Variants in ZNF517 observed in about 807,000 individuals in gnomAD.
The protein encoded by ZNF517 is zinc finger protein 517.
In ZNF517, 12 loss-of-function variants were observed where a neutral mutation model predicts 12.1. That is an observed-to-expected ratio of 0.99 (90% CI 0.63 to 1.61). The LOEUF is 1.61. Ranked by LOEUF, ZNF517 falls within the 40% of genes most tolerant of loss-of-function variation. ZNF517 has a pLI of 0.00. For missense variants in ZNF517, 781 were observed against 693.2 expected (o/e 1.13, Z -1.42); for synonymous variants, 388 against 310.2 (o/e 1.25, Z -2.63).
At chr8:144,804,608 C>T (rs909083640) in intron 4 of ZNF517, among the ~76,000 whole-genome samples, 1 of 152,048 alleles carries the variant, frequency 6.6e-6, no homozygotes, top group Non-Finnish European at 1.5e-5. Context: ...GAAGAAAAGA[C>T]AGCTGGGCCT....
At chr8:144,802,344 C>T (rs1359621868) in intron 1 of ZNF517, among the ~76,000 whole-genome samples, 1 of 152,252 alleles carries the variant, frequency 6.6e-6, no homozygotes, top group Admixed American at 6.5e-5. Context: ...ACCACCAACT[C>T]CAGCCTGGGC....
chr8:144,805,101 A>G (rs1827153040), intron 4 of ZNF517, among the ~76,000 whole-genome samples: 1 of 152,252 alleles, frequency 6.6e-6, no homozygotes, highest in Non-Finnish European at 1.5e-5. Flanking sequence ...TCTGCTATGT[A>G]ACTAGTGCCT....
At chr8:144,812,425 C>T (rs1052288424), downstream of ZNF517, among the ~76,000 whole-genome samples, 1 of 149,032 alleles carries the variant, frequency 6.7e-6, no homozygotes, top group Non-Finnish European at 1.5e-5. Context: ...AAGGCTGAGA[C>T]AGGGTGGGAG....
At chr8:144,803,800 G>A (rs756786528) in intron 3 of ZNF517, 33 bp downstream of exon 3, 1 of 1,606,880 alleles carries the variant, frequency 6.2e-7, no homozygotes, top group South Asian at 1.1e-5. Context: ...CTGGGGCCGG[G>A]AGGTGCGTCT....
At chr8:144,802,742 A>T in intron 1 of ZNF517, 128 bp from the exon 2 acceptor site, 1 of 1,398,138 alleles carries the variant, frequency 7.2e-7, no homozygotes. Flanking sequence ...GACGTGAAGG[A>T]GGCGGCTGAT....
At chr8:144,813,315 C>CAAAA (rs55851018), downstream of ZNF517, among the ~76,000 whole-genome samples, 1 of 103,918 alleles carries the variant, frequency 9.6e-6, no homozygotes, top group Non-Finnish European at 1.9e-5. Context: ...GACTCTGTCT[C>CAAAA]AAAAAAAAAA....
chr8:144,800,444 G>A, intron 1 of ZNF517: 1 of 973,570 alleles, frequency 1.0e-6, no homozygotes, highest in South Asian at 4.7e-5. Context: ...ACCGCTCCTA[G>A]TCCAAGTCCT....
Position 144,808,132 on chromosome 8 carries a change from G to T in ZNF517, c.1216G>T (p.Gly406Cys), listed in dbSNP as rs1389680401. 1 of 1,606,928 alleles carries T rather than the reference G, an allele frequency of 6.2e-7. No homozygotes were observed. The highest frequency in any genetic ancestry group is 1.1e-5 in the South Asian group (1 of 90,144). The change falls in exon 5 of 5, where the codon GGT becomes TGT. Residue 406 changes from glycine to cysteine, a missense_variant. Coordinates refer to ENST00000359971, the MANE Select transcript of ZNF517 (RefSeq NM_213605.3). ...GTGCGCGGAGTGCGGCAAGGCCTTCGGTCGCAAGTCCAACCTCACTCTGCA... is the reference window on the plus strand; with the variant it reads ...GTGCGCGGAGTGCGGCAAGGCCTTCTGTCGCAAGTCCAACCTCACTCTGCA... ...FECAECGKAF[G>C]RKSNLTLHQK...
In ZNF517 at chr8:144,807,949, C is replaced by A. The variant is rs754868847; in HGVS notation, c.1033C>A (p.Gln345Lys). ...CCGGCTGCACGCGCAGGAGGGTGCCCAGGACGGCGGCGTGGGGCAGGGCGC... is the reference window on the plus strand; with the variant it reads ...CCGGCTGCACGCGCAGGAGGGTGCCAAGGACGGCGGCGTGGGGCAGGGCGC... ...HHRLHAQEGA[Q>K]DGGVGQGALL... The change falls in exon 5 of 5, where the codon CAG (glutamine) becomes AAG (lysine). Residue 345 changes from glutamine to lysine, a missense_variant. Gln to Lys is a moderately conservative substitution (Grantham distance 53, BLOSUM62 1). Coordinates refer to ENST00000359971, the MANE Select transcript of ZNF517 (RefSeq NM_213605.3). The A allele has an allele frequency of 8.0e-6, 12 of 1,507,884 alleles. No homozygotes were observed. The highest frequency in any genetic ancestry group is 2.4e-5 in the East Asian group (1 of 42,384). The allele number at this position is 1,507,884 out of a possible 1,614,324, so 93.4% of individuals were successfully genotyped here. A position where few individuals can be genotyped will look rare whatever the true frequency, so the allele number is the denominator to read the frequency against.
chr8:144,807,079 A>C lies in ZNF517; in HGVS notation c.275-112A>C, dbSNP rs921258334. ...TTATTTGTCATTTATACCTCAGTAA[A>C]GCTGGGTGTTGGGGGAAGACTTGGG... On this transcript the variant is annotated intron_variant, in intron 4 of 4. Transcript: ENST00000359971. The C allele has an allele frequency of 4.4e-6, 6 of 1,375,704 alleles. No individual in the cohort carries two copies. In the Admixed American group the frequency reaches 1.7e-4, roughly 39 times the overall value. The allele number at this position is 1,375,704 out of a possible 1,614,324, so 85.2% of individuals were successfully genotyped here. A position where few individuals can be genotyped will look rare whatever the true frequency, so the allele number is the denominator to read the frequency against.
chr8:144,804,926 T>G (rs1827146679), intron 4 of ZNF517, among the ~76,000 whole-genome samples: 1 of 152,212 alleles, frequency 6.6e-6, no homozygotes, highest in South Asian at 2.1e-4. Context: ...GGGTGGAACA[T>G]GAAAGTGAAA....
rs1026191340 is a variant in ZNF517, at chr8:144,804,170, G to A, written c.206G>A (p.Gly69Glu). 1 of 1,614,154 alleles carries A rather than the reference G, an allele frequency of 6.2e-7. No individual in the cohort carries two copies. The highest frequency in any genetic ancestry group is 8.5e-7 in the Non-Finnish European group (1 of 1,180,002). ...KPALISLLEQ[G>E]EEPGALILQV... ...GCACTGATCTCCCTATTGGAGCAAG[G>A]AGAGGAGCCGGGGGCCTTGATTCTG... The change falls in exon 4 of 5, where the codon GGA (glycine) becomes GAA (glutamate). Residue 69 changes from glycine to glutamate, a missense_variant. Transcript: ENST00000359971.
In ZNF517 at chr8:144,804,185, C is replaced by T. The variant is rs1033836188; in HGVS notation, c.221C>T (p.Ala74Val). 4.3e-6 allele frequency: 7 copies of T among 1,614,000 alleles called. No individual in the cohort carries two copies. The African/African-American group carries it at 8.0e-5, about 18-fold the overall frequency. The change falls in exon 4 of 5, where the codon GCC (alanine) becomes GTC (valine). Residue 74 changes from alanine (A) to valine (V), a missense_variant. Transcript: ENST00000359971. The stretch of plus-strand genomic sequence containing the variant: ...TTGGAGCAAGGAGAGGAGCCGGGGG[C>T]CTTGATTCTGCAGGTGGCTGAACAG... ...SLLEQGEEPG[A>V]LILQVAEQSV...
intron 1 of ZNF517, 61 bp from the exon 2 acceptor site, chr8:144,802,809 C>CT: frequency 1.9e-6 from 3 of 1,598,868 alleles, no homozygotes; most frequent in Non-Finnish European, 1.7e-6. Context: ...GAGGGGCCTT[C>CT]TGGGGGGCTG....
chr8:144,800,703 C>T (rs2130415386), intron 1 of ZNF517: 1 of 985,338 alleles, frequency 1.0e-6, no homozygotes, highest in South Asian at 4.7e-5. Context: ...TCTGTGCCCT[C>T]TGTGCAGGGG....
rs1364007327 is a variant in ZNF517, at chr8:144,809,032, G to C, written c.*637G>C. The C allele has an allele frequency of 1.3e-5, 2 of 151,832 alleles. No individual in the cohort carries two copies. The highest frequency in any genetic ancestry group is 2.9e-5 in the Non-Finnish European group (2 of 68,060). The allele number at this position is 151,832 out of a possible 1,614,324, so 9.4% of individuals were successfully genotyped here. Reference sequence around the variant, plus strand: ...TCTGTGCCTGTACGCTGTAGTCCCAGCTACTCAGGAGGCTGAGGTGGGAGG... The same window carrying C: ...TCTGTGCCTGTACGCTGTAGTCCCACCTACTCAGGAGGCTGAGGTGGGAGG... On this transcript the variant is annotated 3_prime_UTR_variant, in exon 5 of 5. Coordinates refer to ENST00000359971, the MANE Select transcript of ZNF517 (RefSeq NM_213605.3).
At position 144,808,520 on chromosome 8, in the gene ZNF517, A is replaced by G. The variant is rs1208212419; in HGVS notation, c.*125A>G. The G allele has an allele frequency of 2.0e-5, 25 of 1,264,684 alleles. No homozygotes were observed. The highest frequency in any genetic ancestry group is 2.5e-5 in the Non-Finnish European group (25 of 991,482). 78.3% of individuals were successfully genotyped at this position (1,264,684 alleles called of 1,614,324 possible). On this transcript the variant is annotated 3_prime_UTR_variant, in exon 5 of 5. Coordinates refer to ENST00000359971, the MANE Select transcript of ZNF517 (RefSeq NM_213605.3). The stretch of plus-strand genomic sequence containing the variant: ...AAGTCTAAAGAAAGGGCCAGCTCCC[A>G]TCAGGAGCTCGGCTTCTTGCTCCAG...
Position 144,807,542 on chromosome 8 carries a change from A to G in ZNF517, c.626A>G (p.Glu209Gly). The G allele has an allele frequency of 6.3e-7, 1 of 1,597,626 alleles. No homozygotes were observed. The highest frequency in any genetic ancestry group is 8.5e-7 in the Non-Finnish European group (1 of 1,172,458). The part of the protein sequence containing the change: ...HTGAKPFQCT[E>G]CGKAFKQSSI... ...GGCGCCAAGCCCTTCCAGTGCACAG[A>G]GTGCGGGAAGGCCTTCAAGCAAAGC... Residue 209 changes from glutamate to glycine, a missense_variant, in exon 5 of 5, where the codon GAG becomes GGG. Glu to Gly is a moderately conservative substitution (Grantham distance 98). Coordinates refer to ENST00000359971, the MANE Select transcript of ZNF517 (RefSeq NM_213605.3).
chr8:144,800,436 C>T (rs956691597), intron 1 of ZNF517: 32 of 954,986 alleles, frequency 3.4e-5, no homozygotes, highest in South Asian at 9.7e-5. Context: ...AGTAACTTAC[C>T]GCTCCTAGTC....
Sources: gnomAD v4.1 joint callset for allele counts (sites outside exome capture counted in the v4.1 genomes callset) on GRCh38, gnomAD v4.1.1 for gene constraint, MANE v1.5 for transcripts, NCBI Gene and HGNC (gene_info 2026-07-23, HGNC 2026-07-21) for gene names.